Variants in KCNAB2 observed in about 807,000 individuals in gnomAD.
The protein encoded by KCNAB2 is potassium voltage-gated channel subfamily A regulatory beta subunit 2.
KCNAB2 carries 29 observed loss-of-function variants against 63.6 expected under a neutral mutation model. The ratio of observed to expected loss-of-function variants is 0.46; its 90% CI spans 0.34 to 0.62. KCNAB2 has a LOEUF of 0.62. Among genes scored for constraint, KCNAB2 ranks in the 20% least tolerant of loss-of-function variants. The probability of loss-of-function intolerance (pLI) is 0.01; values close to 1 mark genes in which losing one functional copy is unlikely to be tolerated. For missense variants in KCNAB2, 359 were observed against 563.9 expected, an observed-to-expected ratio of 0.64 and a Z score of 3.68; for synonymous variants, 222 against 224.2, an observed-to-expected ratio of 0.99 and a Z score of 0.09.
rs1001322805 is a variant in KCNAB2, at chr1:6,097,301, G to A, written c.1102G>A (p.Val368Met). 8.4e-6 allele frequency: 13 copies of A among 1,551,534 alleles called. No individual in the cohort carries two copies. Among genetic ancestry groups the A allele is most frequent in the Admixed American group, 3.9e-5 (2 of 50,996 alleles). ...CCTGAGGAATGAGGGAGTCAGCTCC[G>A]TGCTCCTGGGGGCCTCCAATGCGGA... The part of the protein sequence containing the change: ...WCLRNEGVSS[V>M]LLGASNADQL... Residue 368 changes from valine to methionine, a missense_variant, in exon 15 of 16, where the codon GTG (valine) becomes ATG (methionine). Transcript: ENST00000378083.
intron 2 of KCNAB2, among the ~76,000 whole-genome samples, chr1:6,059,626 C>T (rs899568573): frequency 1.5e-5 from 2 of 137,086 alleles, no homozygotes; most frequent in Non-Finnish European, 3.1e-5. Flanking sequence ...GGTCTTGTTA[C>T]GTCTCAAAGG....
Position 6,096,456 on chromosome 1 carries a change from C to G in KCNAB2, c.949-180C>G. 1.2e-6 allele frequency: 1 copy of G among 802,670 alleles called. No individual in the cohort carries two copies. 49.7% of individuals were successfully genotyped at this position (802,670 alleles called of 1,614,324 possible). ...CATCCACCAGCCCGTGCCCGGCCCA[C>G]TGCCCACTCTCCCCTACTTGAGAGG... On this transcript the variant is annotated intron_variant, in intron 13 of 15. Transcript: ENST00000378083. This position sits in a 1 kb window ranked among gnomAD's most constrained non-coding sequence, Gnocchi z 5.9.
exon 2 of KCNAB2, chr1:6,040,563 G>A (rs371095544): frequency 6.2e-6 from 10 of 1,613,678 alleles, no homozygotes; most frequent in African/African-American, 1.3e-5. Context: ...AAGTGAGGCT[G>A]GCTCCATGTA....
At position 6,098,600 on chromosome 1, in the gene KCNAB2, A is replaced by G. The variant is rs1160904817; in HGVS notation, c.*26A>G. On this transcript the variant is annotated 3_prime_UTR_variant, in exon 16 of 16. Coordinates refer to ENST00000378083, the MANE Select transcript of KCNAB2 (RefSeq NM_001199862.2). ...GCCGCCCCCGCCCGCCTGCTCGGAC[A>G]GTTTCCGTTCCCTCCTAGTCTCTGT... The G allele has an allele frequency of 6.2e-7, 1 of 1,610,620 alleles. No individual in the cohort carries two copies. Among genetic ancestry groups the G allele is most frequent in the Admixed American group, 1.7e-5 (1 of 59,434 alleles).
Position 6,073,610 on chromosome 1 carries a change from C to T in KCNAB2, c.263-123C>T. 1.2e-6 allele frequency: 1 copy of T among 860,264 alleles called. No individual in the cohort carries two copies. Among genetic ancestry groups the T allele is most frequent in the Non-Finnish European group, 2.0e-6 (1 of 504,950 alleles). 53.3% of individuals were successfully genotyped at this position (860,264 alleles called of 1,614,324 possible). On this transcript the variant is annotated intron_variant, in intron 3 of 15. Coordinates refer to ENST00000378083, the MANE Select transcript of KCNAB2 (RefSeq NM_001199862.2). This position sits in a 1 kb window ranked among gnomAD's most constrained non-coding sequence, Gnocchi z 5.7. ...ACACACACTAAGGACACCCTGGCCA[C>T]AGAGCAGCACAGAGGGACACCTGTG...
intron 1 of KCNAB2, among the ~76,000 whole-genome samples, chr1:6,048,104 C>T (rs553033592): frequency 1.2e-4 from 19 of 152,204 alleles, no homozygotes; most frequent in Non-Finnish European, 2.5e-4. Flanking sequence ...TCCCCAAACT[C>T]AGCCTTCCAC....
At chr1:6,011,947 T>C (rs1328248126) in intron 1 of KCNAB2, among the ~76,000 whole-genome samples, 2 of 151,976 alleles carry the variant, frequency 1.3e-5, no homozygotes, top group African/African-American at 2.4e-5. Flanking sequence ...CAGAGGACAA[T>C]GAGCTGGCCT....
chr1:6,063,019 C>G (rs557672724), intron 2 of KCNAB2, among the ~76,000 whole-genome samples: 1 of 150,584 alleles, frequency 6.6e-6, no homozygotes, highest in Admixed American at 6.6e-5. Flanking sequence ...TCTACGGATT[C>G]GCCTATTTGG....
intron 1 of KCNAB2, among the ~76,000 whole-genome samples, chr1:6,049,007 G>A (rs115204861): frequency 0.041 from 6,232 of 152,288 alleles, 388 homozygotes; most frequent in African/African-American, 0.14. Context: ...CAGGGTACCC[G>A]CCTGCTTTAG....
rs371830625 is a variant in KCNAB2 at position 6,098,088 on chromosome 1, G to A, written c.1159-397G>A. 1.4e-5 allele frequency: 13 copies of A among 897,426 alleles called. No individual in the cohort carries two copies. In the South Asian group the frequency reaches 1.9e-4, roughly 13 times the overall value. The allele number at this position is 897,426 out of a possible 1,614,324, so 55.6% of individuals were successfully genotyped here. A position where few individuals can be genotyped will look rare whatever the true frequency, so the allele number is the denominator to read the frequency against. On this transcript the variant is annotated intron_variant, in intron 15 of 15. Coordinates refer to ENST00000378083, the MANE Select transcript of KCNAB2 (RefSeq NM_001199862.2). ...AAACTGGATGTGGGGGTGAGAAGGCGAGGTGGAAGTCGGTCCCCGGGTGTG... is the reference window on the plus strand; with the variant it reads ...AAACTGGATGTGGGGGTGAGAAGGCAAGGTGGAAGTCGGTCCCCGGGTGTG...
At chr1:6,025,054 G>A (rs746190181) in intron 1 of KCNAB2, among the ~76,000 whole-genome samples, 5 of 152,030 alleles carry the variant, frequency 3.3e-5, no homozygotes, top group East Asian at 1.9e-4. Context: ...TTTCCCATTC[G>A]TTCGCCTTCC....
At chr1:6,089,949 G>A (rs1189373745) in intron 8 of KCNAB2, among the ~76,000 whole-genome samples, 1 of 152,198 alleles carries the variant, frequency 6.6e-6, no homozygotes, top group Non-Finnish European at 1.5e-5. Flanking sequence ...TGATGCGCCC[G>A]CCTTGGCCCC....
In KCNAB2 at chr1:6,060,239, C is replaced by T. The variant is rs76463999; in HGVS notation, c.218+8485C>T. Among the ~76,000 whole-genome samples the T allele has an allele frequency of 4.4e-4, 67 of 152,308 alleles. No individual in the cohort carries two copies. In the East Asian group the frequency reaches 9.5e-3, roughly 22 times the overall value. Reference sequence around the variant, plus strand: ...GGAGCCCTGCCATACTCCTGGGCACCGCTGATGCGCTCTCCTGCTGGCTGA... The same window carrying T: ...GGAGCCCTGCCATACTCCTGGGCACTGCTGATGCGCTCTCCTGCTGGCTGA... On this transcript the variant is annotated intron_variant, in intron 2 of 15. Transcript: ENST00000378083.
chr1:6,095,483 C>T (rs761242599), intron 12 of KCNAB2, 40 bp downstream of exon 12: 2 of 1,611,558 alleles, frequency 1.2e-6, no homozygotes, highest in East Asian at 2.2e-5. Context: ...CCACCCCACC[C>T]CTGCTCTCGG....
chr1:6,084,284 G>A (rs1286410739), intron 5 of KCNAB2, among the ~76,000 whole-genome samples: 1 of 152,234 alleles, frequency 6.6e-6, no homozygotes. Flanking sequence ...CAGCTGGCCT[G>A]GGTTTGGTGC....
At chr1:6,057,609 G>A (rs1479205653) in intron 2 of KCNAB2, among the ~76,000 whole-genome samples, 1 of 152,190 alleles carries the variant, frequency 6.6e-6, no homozygotes, top group African/African-American at 2.4e-5. Flanking sequence ...CAAGCTGGGT[G>A]GTTTACAACA....
Position 6,071,946 on chromosome 1 carries a change from T to C in KCNAB2, c.219-809T>C, listed in dbSNP as rs3789546. Among the ~76,000 whole-genome samples the C allele has an allele frequency of 0.34, 51,100 of 152,076 alleles. 10,437 individuals carry two copies. The highest frequency in any genetic ancestry group is 0.58 in the African/African-American group (23,880 of 41,482). On this transcript the variant is annotated intron_variant, in intron 2 of 15. Coordinates refer to ENST00000378083, the MANE Select transcript of KCNAB2 (RefSeq NM_001199862.2). This position sits in a 1 kb window ranked among gnomAD's most constrained non-coding sequence, Gnocchi z 8.5. ...ATCCGGGGACAGGATGCCTGGGGACTGCCTGGCCTGCTGCAACCCTGCAGG... is the reference window on the plus strand; with the variant it reads ...ATCCGGGGACAGGATGCCTGGGGACCGCCTGGCCTGCTGCAACCCTGCAGG...
At position 6,070,720 on chromosome 1, in the gene KCNAB2, G is replaced by GT. The variant is rs1314797585; in HGVS notation, c.219-2034dup. Among the ~76,000 whole-genome samples, 4 of 152,074 alleles carry GT rather than the reference G, an allele frequency of 2.6e-5. No homozygotes were observed. The East Asian group carries it at 7.7e-4, about 29-fold the overall frequency. On this transcript the variant is annotated intron_variant, in intron 2 of 15. Coordinates refer to ENST00000378083, the MANE Select transcript of KCNAB2 (RefSeq NM_001199862.2). Reference sequence around the variant, plus strand: ...TTCTTCTGTCCTCGTGGCAGCCACCGTGAGAAAGGCAGCCTCGTGAGCCCA... The same window carrying GT: ...TTCTTCTGTCCTCGTGGCAGCCACCGTTGAGAAAGGCAGCCTCGTGAGCCCA...
Position 6,073,848 on chromosome 1 carries a change from C to A in KCNAB2, c.300+78C>A. The A allele has an allele frequency of 6.9e-7, 1 of 1,449,718 alleles. No homozygotes were observed. Among genetic ancestry groups the A allele is most frequent in the Non-Finnish European group, 9.7e-7 (1 of 1,032,570 alleles). The allele number at this position is 1,449,718 out of a possible 1,614,324, so 89.8% of individuals were successfully genotyped here. On this transcript the variant is annotated intron_variant, in intron 4 of 15. Transcript: ENST00000378083. This position sits in a 1 kb window ranked among gnomAD's most constrained non-coding sequence, Gnocchi z 5.7. ...ACATGGTTAAGTCTGCCGCGTGGACCAGTGAGCACGTGCTCCCGGGAGCCA... is the reference window on the plus strand; with the variant it reads ...ACATGGTTAAGTCTGCCGCGTGGACAAGTGAGCACGTGCTCCCGGGAGCCA...
Sources: gnomAD v4.1 joint callset for allele counts (sites outside exome capture counted in the v4.1 genomes callset) on GRCh38, gnomAD v4.1.1 for gene constraint, Gnocchi (gnomAD v3.1) non-coding constraint, MANE v1.5 for transcripts, NCBI Gene and HGNC (gene_info 2026-07-23, HGNC 2026-07-21) for gene names.